The following ZMIZ1 variants were observed in gnomAD, a reference collection of about 807,000 sequenced individuals.
ZMIZ1 encodes zinc finger MIZ domain-containing protein 1.
A neutral mutation model predicts 113.9 loss-of-function variants in ZMIZ1; 17 were observed. That is an observed-to-expected ratio of 0.15 (90% confidence interval 0.10 to 0.22). The LOEUF is 0.22. ZMIZ1 is among the 10% of genes least tolerant of loss of function. ZMIZ1 has a pLI of 1.00. For synonymous variants in ZMIZ1, 607 were observed against 603.1 expected (o/e 1.01, Z -0.09); for missense variants, 1,059 against 1,477.8 (o/e 0.72, Z 4.65).
At chr10:79,104,948 G>GGGGTGT (rs746072819) in intron 1 of ZMIZ1, among the ~76,000 whole-genome samples, 4 of 127,586 alleles carry the variant, frequency 3.1e-5, no homozygotes, top group African/African-American at 1.2e-4. Context: ...TTGTTGTTGT[G>GGGGTGT]GGGTGTGTGT....
At chr10:79,163,553 T>C (rs1181966824) in intron 4 of ZMIZ1, among the ~76,000 whole-genome samples, 1 of 152,228 alleles carries the variant, frequency 6.6e-6, no homozygotes. Context: ...CCCACAAGAA[T>C]CCCACGGGGA....
At chr10:79,266,841 G>A (rs1434759227) in intron 7 of ZMIZ1, among the ~76,000 whole-genome samples, 1 of 152,240 alleles carries the variant, frequency 6.6e-6, no homozygotes, top group Non-Finnish European at 1.5e-5. Context: ...CTCCAGCCGG[G>A]CAGAGTAACA....
At chr10:79,251,819 A>G (rs1192544843) in intron 7 of ZMIZ1, among the ~76,000 whole-genome samples, 3 of 152,206 alleles carry the variant, frequency 2.0e-5, no homozygotes, top group African/African-American at 7.2e-5. Flanking sequence ...CAGTCCCGGG[A>G]TGCCCTGGAA....
rs139658854 is a variant in ZMIZ1, at chr10:79,299,168, G to A, written c.1785G>A (p.Thr595=). The A allele has an allele frequency of 3.6e-5, 58 of 1,607,828 alleles. 1 individual carries two copies. The highest frequency in any genetic ancestry group is 3.1e-4 in the East Asian group (14 of 44,860). ...ACCATGTGTTCCACCTGCGGCCCAC[G>A]GTCCACCAGACGCTGATGTGGAGGT... The part of the protein sequence containing the change: ...VSNHVFHLRP[T]VHQTLMWRSD... The change falls in exon 16 of 25, where the codon ACG becomes ACA. Residue 595 remains threonine, a synonymous_variant. Transcript: ENST00000334512.
At chr10:79,175,215 C>A (rs903204171) in intron 4 of ZMIZ1, among the ~76,000 whole-genome samples, 1 of 152,192 alleles carries the variant, frequency 6.6e-6, no homozygotes, top group African/African-American at 2.4e-5. Flanking sequence ...CAAAAGAAAC[C>A]CCGAGCAGTC....
At chr10:79,086,613 A>G (rs1043653124) in intron 1 of ZMIZ1, among the ~76,000 whole-genome samples, 2 of 152,180 alleles carry the variant, frequency 1.3e-5, no homozygotes, top group Admixed American at 1.3e-4. Flanking sequence ...TCCTGGACTC[A>G]AGCGATCCTC....
intron 7 of ZMIZ1, among the ~76,000 whole-genome samples, chr10:79,260,198 G>C (rs1354850232): frequency 6.6e-6 from 1 of 152,234 alleles, no homozygotes; most frequent in Non-Finnish European, 1.5e-5. Flanking sequence ...ATTGTCACCT[G>C]TGTGCCAGGT....
chr10:79,275,083 C>T (rs1346931263), intron 7 of ZMIZ1, among the ~76,000 whole-genome samples: 1 of 152,250 alleles, frequency 6.6e-6, no homozygotes, highest in Non-Finnish European at 1.5e-5. Context: ...TCCAGATGCC[C>T]AGTGCCCCCG....
At chr10:79,193,667 G>T (rs949055958) in intron 4 of ZMIZ1, among the ~76,000 whole-genome samples, 1 of 152,130 alleles carries the variant, frequency 6.6e-6, no homozygotes, top group African/African-American at 2.4e-5. Context: ...CTACGATGGG[G>T]GTGTGTGACA....
chr10:79,301,111 G>A (rs1463740317), intron 17 of ZMIZ1, among the ~76,000 whole-genome samples, 169 bp downstream of exon 17: 1 of 152,172 alleles, frequency 6.6e-6, no homozygotes, highest in African/African-American at 2.4e-5. Context: ...CCCAGGGCCT[G>A]TGCAATAACC....
intron 3 of ZMIZ1, among the ~76,000 whole-genome samples, chr10:79,159,658 A>G (rs1846029659): frequency 6.6e-6 from 1 of 152,172 alleles, no homozygotes; most frequent in Non-Finnish European, 1.5e-5. Flanking sequence ...TGCTAAAGGA[A>G]ATATCCAGGG....
intron 8 of ZMIZ1, among the ~76,000 whole-genome samples, chr10:79,288,717 C>A (rs1194382825): frequency 6.6e-6 from 1 of 152,066 alleles, no homozygotes; most frequent in Admixed American, 6.5e-5. Context: ...GGGGCTGGCA[C>A]CCTGGCAGGT....
intron 7 of ZMIZ1, among the ~76,000 whole-genome samples, chr10:79,231,921 GT>G (rs1849410536): frequency 6.6e-6 from 1 of 152,250 alleles, no homozygotes. Flanking sequence ...TGTGCAGCTA[GT>G]CCAGTGAGAC....
chr10:79,299,138 C>T lies in ZMIZ1; in HGVS notation c.1755C>T (p.Val585=). ...TCCGCCTGGAGCACAACCTGGCGGT[C>T]AGCAACCATGTGTTCCACCTGCGGC... ...EPFRLEHNLA[V]SNHVFHLRPT... Residue 585 remains valine, a synonymous_variant, in exon 16 of 25, where the codon GTC becomes GTT. Transcript: ENST00000334512. 1 of 1,611,540 alleles carries T rather than the reference C, an allele frequency of 6.2e-7. No individual in the cohort carries two copies. The highest frequency in any genetic ancestry group is 8.5e-7 in the Non-Finnish European group (1 of 1,179,860).
intron 8 of ZMIZ1, among the ~76,000 whole-genome samples, chr10:79,279,782 G>A (rs1679042522): frequency 6.6e-6 from 1 of 152,144 alleles, no homozygotes. Flanking sequence ...CCAACACGGC[G>A]AAACCCCGTC....
intron 1 of ZMIZ1, among the ~76,000 whole-genome samples, chr10:79,091,906 CAGGG>C (rs1447445138): frequency 6.6e-6 from 1 of 152,146 alleles, no homozygotes; most frequent in Non-Finnish European, 1.5e-5. Flanking sequence ...GATTTAGTGA[CAGGG>C]AGCCACCTGG....
intron 4 of ZMIZ1, among the ~76,000 whole-genome samples, chr10:79,182,713 A>C (rs1365558878): frequency 1.3e-5 from 2 of 152,190 alleles, no homozygotes; most frequent in South Asian, 2.1e-4. Context: ...AGTGGTTCCG[A>C]GCACAGCCTC....
At chr10:79,097,736 G>A (rs1843219761) in intron 1 of ZMIZ1, among the ~76,000 whole-genome samples, 1 of 152,146 alleles carries the variant, frequency 6.6e-6, no homozygotes, top group South Asian at 2.1e-4. Context: ...GTGGCGCAGT[G>A]AAGTTTTTAT....
chr10:79,098,173 GGTAGA>G lies in ZMIZ1; in HGVS notation c.-336-20741_-336-20737del, dbSNP rs554052187. Among the ~76,000 whole-genome samples the G allele has an allele frequency of 5.1e-4, 78 of 152,342 alleles. No homozygotes were observed. In the Middle Eastern group the frequency reaches 0.017, roughly 33 times the overall value. On this transcript the variant is annotated intron_variant, in intron 1 of 24. Transcript: ENST00000334512. Reference sequence around the variant, plus strand: ...GAGCTAGCCTGGAAGTGTCTTGCCAGGTAGACTAGGAGAAGAGACTATTAGACTGG... The same window carrying G: ...GAGCTAGCCTGGAAGTGTCTTGCCAGCTAGGAGAAGAGACTATTAGACTGG...
Sources: gnomAD v4.1 joint callset for allele counts (sites outside exome capture counted in the v4.1 genomes callset) on GRCh38, gnomAD v4.1.1 for gene constraint, MANE v1.5 for transcripts, NCBI Gene and HGNC (gene_info 2026-07-23, HGNC 2026-07-21) for gene names.